Variants in GRID2 observed in about 807,000 individuals in gnomAD.
GRID2 encodes glutamate ionotropic receptor delta type subunit 2.
Under a neutral mutation model 114.8 loss-of-function variants are expected in GRID2, and 33 were observed. The observed-to-expected ratio is 0.29, with a 90% CI of 0.22 to 0.38. GRID2 has a LOEUF of 0.38. GRID2 is among the 10% of genes least tolerant of loss of function. The pLI, the probability that GRID2 is intolerant of heterozygous loss-of-function variation, is 1.00. For missense variants in GRID2, 1,184 were observed against 1,257.7 expected (o/e 0.94, Z 0.89); for synonymous variants, 505 against 449.9 (o/e 1.12, Z -1.55).
intron 1 of GRID2, among the ~76,000 whole-genome samples, chr4:93,790,780 T>C (rs1245811191): frequency 1.3e-5 from 2 of 152,282 alleles, no homozygotes; most frequent in East Asian, 3.9e-4. Flanking sequence ...CCAAAGAAAT[T>C]AGAGTCTAAA....
intron 2 of GRID2, among the ~76,000 whole-genome samples, chr4:92,676,493 C>A (rs1179284526): frequency 6.6e-6 from 1 of 151,958 alleles, no homozygotes; most frequent in East Asian, 1.9e-4. Context: ...CCTCTTTTAA[C>A]CTGTAAATTC....
intron 2 of GRID2, among the ~76,000 whole-genome samples, chr4:92,629,878 G>A (rs1352012818): frequency 6.9e-6 from 1 of 145,406 alleles, no homozygotes; most frequent in African/African-American, 2.5e-5. Context: ...AATAAAATCA[G>A]TAATTATATT....
intron 13 of GRID2, among the ~76,000 whole-genome samples, chr4:93,580,356 G>T (rs907800243): frequency 1.3e-5 from 2 of 152,168 alleles, no homozygotes; most frequent in African/African-American, 4.8e-5. Flanking sequence ...AGGCAAGTGG[G>T]GAGAGATACT....
At chr4:92,823,034 A>G (rs1252771045) in intron 2 of GRID2, 1 of 152,190 alleles carries the variant, frequency 6.6e-6, no homozygotes, top group Non-Finnish European at 1.5e-5. Context: ...TAAGCCAAGC[A>G]GGGAAATTTT....
At chr4:93,711,763 TG>T (rs2110168553) in intron 14 of GRID2, among the ~76,000 whole-genome samples, 1 of 152,324 alleles carries the variant, frequency 6.6e-6, no homozygotes, top group Admixed American at 6.5e-5. Context: ...TGGCTGCTGC[TG>T]GGGCATGGGC....
At chr4:93,298,848 T>G (rs1443701164) in intron 8 of GRID2, among the ~76,000 whole-genome samples, 1 of 152,264 alleles carries the variant, frequency 6.6e-6, no homozygotes, top group African/African-American at 2.4e-5. Context: ...TAAGATTCTT[T>G]GAAGATACAT....
intron 14 of GRID2, among the ~76,000 whole-genome samples, chr4:93,738,609 C>G (rs1422323405): frequency 6.6e-6 from 1 of 151,944 alleles, no homozygotes; most frequent in African/African-American, 2.4e-5. Context: ...CTTTGGGGCT[C>G]TAAATTAAGT....
At chr4:93,567,548 G>A (rs1287079018) in intron 13 of GRID2, among the ~76,000 whole-genome samples, 2 of 152,090 alleles carry the variant, frequency 1.3e-5, no homozygotes, top group Non-Finnish European at 2.9e-5. Context: ...CCTTATCTAG[G>A]TTAAGATGAA....
intron 1 of GRID2, among the ~76,000 whole-genome samples, chr4:92,316,923 G>T (rs1223629411): frequency 6.6e-6 from 1 of 152,068 alleles, no homozygotes; most frequent in Non-Finnish European, 1.5e-5. Context: ...GCCAATTTCA[G>T]ATCTAAGGAA....
At chr4:92,451,320 A>AT (rs1320582145) in intron 1 of GRID2, among the ~76,000 whole-genome samples, 2 of 152,206 alleles carry the variant, frequency 1.3e-5, no homozygotes, top group African/African-American at 4.8e-5. Flanking sequence ...TTAAATCATC[A>AT]TAATTTGTCT....
At chr4:92,475,664 T>C (rs1392372253) in intron 1 of GRID2, among the ~76,000 whole-genome samples, 1 of 152,044 alleles carries the variant, frequency 6.6e-6, no homozygotes, top group African/African-American at 2.4e-5. Flanking sequence ...GGGTCTTTTA[T>C]GGTTCTGTAA....
chr4:92,598,199 A>G (rs927100636), intron 2 of GRID2, among the ~76,000 whole-genome samples: 1 of 152,146 alleles, frequency 6.6e-6, no homozygotes, highest in Non-Finnish European at 1.5e-5. Context: ...GAAATTGCAT[A>G]TTCTGGGAAA....
chr4:92,602,233 A>G (rs2149220378), intron 2 of GRID2, among the ~76,000 whole-genome samples: 1 of 151,626 alleles, frequency 6.6e-6, no homozygotes, highest in African/African-American at 2.4e-5. Context: ...GAAAAGAAAA[A>G]AAGAAAGAAA....
chr4:93,364,842 A>T (rs1286453689), intron 8 of GRID2, among the ~76,000 whole-genome samples: 2 of 151,920 alleles, frequency 1.3e-5, no homozygotes, highest in Non-Finnish European at 2.9e-5. Context: ...ATTTCTCATT[A>T]TTCTCTTCTT....
chr4:92,968,675 A>G (rs1486741412), intron 2 of GRID2, among the ~76,000 whole-genome samples: 1 of 151,850 alleles, frequency 6.6e-6, no homozygotes, highest in African/African-American at 2.4e-5. Flanking sequence ...GCCACATTGT[A>G]ATTTTAGAAC....
chr4:92,894,492 A>G (rs1456522748), intron 2 of GRID2, among the ~76,000 whole-genome samples: 1 of 152,166 alleles, frequency 6.6e-6, no homozygotes, highest in Non-Finnish European at 1.5e-5. Flanking sequence ...AATAAACTAC[A>G]AGTACAGAAT....
At chr4:92,770,912 A>G (rs186970781) in intron 2 of GRID2, among the ~76,000 whole-genome samples, 3 of 152,056 alleles carry the variant, frequency 2.0e-5, no homozygotes, top group Admixed American at 2.0e-4. Context: ...CATTTTTTTC[A>G]TTTTCATAAG....
At chr4:93,166,024 A>G (rs1738215357) in intron 4 of GRID2, 1 of 152,182 alleles carries the variant, frequency 6.6e-6, no homozygotes, top group Admixed American at 6.6e-5. Context: ...CTTATAAGGC[A>G]TTACGTTATA....
rs185052204 is a variant in GRID2 at position 92,524,893 on chromosome 4, T to C, written c.89-65238T>C. Among the ~76,000 whole-genome samples, 864 of 152,170 alleles carry C rather than the reference T, an allele frequency of 5.7e-3. 7 individuals are homozygous for C. Among genetic ancestry groups the C allele is most frequent in the African/African-American group, 0.019 (788 of 41,540 alleles). ...ATTTAGATACAGTGAATGGAAATTATACGAATTTGTACAGGGACATTTACA... is the reference window on the plus strand; with the variant it reads ...ATTTAGATACAGTGAATGGAAATTACACGAATTTGTACAGGGACATTTACA... On this transcript the variant is annotated intron_variant, in intron 1 of 15. Coordinates refer to ENST00000282020, the MANE Select transcript of GRID2 (RefSeq NM_001510.4).
Sources: allele counts gnomAD v4.1 joint callset (sites outside exome capture counted in the v4.1 genomes callset), GRCh38; gene constraint gnomAD v4.1.1; transcripts MANE v1.5; gene names NCBI Gene and HGNC (gene_info 2026-07-23, HGNC 2026-07-21).